GNL2: variants seen among roughly 807,000 people sequenced by gnomAD.
The protein encoded by GNL2 is G protein nucleolar 2.
A neutral mutation model predicts 92.3 loss-of-function variants in GNL2; 51 were observed. That is an observed-to-expected ratio of 0.55 (90% CI 0.44 to 0.70). The LOEUF is 0.70. Ranked by LOEUF, GNL2 falls within the 30% of genes least tolerant of loss-of-function variation. The pLI, the probability that GNL2 is intolerant of heterozygous loss-of-function variation, is 0.00. For synonymous variants in GNL2, 283 were observed against 300.6 expected (o/e 0.94, Z 0.61); for missense variants, 844 against 895.6 (o/e 0.94, Z 0.74).
chr1:37,576,311 A>G lies in GNL2; in HGVS notation c.1038+117T>C, dbSNP rs79206591. 1.1e-3 allele frequency: 1,003 copies of G among 898,594 alleles called. 4 individuals carry two copies. The African/African-American group carries it at 0.015, about 14-fold the overall frequency. The allele number at this position is 898,594 out of a possible 1,614,324, so 55.7% of individuals were successfully genotyped here. ...GTTCCAAACTATTATATGGTGAGCT[A>G]AACTCCTAGTGGTGGTCTGCATTCA... On this transcript the variant is annotated intron_variant, in intron 9 of 15. Coordinates refer to ENST00000373062, the MANE Select transcript of GNL2 (RefSeq NM_013285.3).
At chr1:37,581,143 C>A (rs1458653645) in intron 8 of GNL2, among the ~76,000 whole-genome samples, 1 of 151,956 alleles carries the variant, frequency 6.6e-6, no homozygotes, top group Non-Finnish European at 1.5e-5. Flanking sequence ...TAATAAGCAT[C>A]TTAAACTGGG....
At chr1:37,576,142 T>C (rs1557639431) in intron 9 of GNL2, 1 of 348,038 alleles carries the variant, frequency 2.9e-6, no homozygotes, top group Non-Finnish European at 5.2e-6. Context: ...CTTGGGTTAG[T>C]TTTGTTTATC....
chr1:37,579,940 T>C (rs1209095052), intron 8 of GNL2, among the ~76,000 whole-genome samples: 1 of 144,102 alleles, frequency 6.9e-6, no homozygotes, highest in South Asian at 2.2e-4. Flanking sequence ...AATCAAGAAT[T>C]AAACCAGGAG....
rs373771215 is a variant in GNL2 at position 37,579,624 on chromosome 1, G to A, written c.909+2599C>T. On this transcript the variant is annotated intron_variant, in intron 8 of 15. Transcript: ENST00000373062. ...AAAAGAAAAAATATATAGGCCAGGT[G>A]CAGTGGCTCATGCCTGTAATCCCAA... 2.0e-5 allele frequency among the ~76,000 whole-genome samples: 3 copies of A among 151,904 alleles called. No individual in the cohort carries two copies. In the South Asian group the frequency reaches 6.2e-4, roughly 31 times the overall value.
chr1:37,583,764 G>A, intron 6 of GNL2, 103 bp downstream of exon 6: 1 of 752,614 alleles, frequency 1.3e-6, no homozygotes, highest in Non-Finnish European at 2.4e-6. Flanking sequence ...AGTGGTGCCT[G>A]TACTCTGCGC....
At chr1:37,576,623 T>C in intron 8 of GNL2, 67 bp from the exon 9 acceptor site, 2 of 1,504,068 alleles carry the variant, frequency 1.3e-6, no homozygotes, top group South Asian at 1.2e-5. Flanking sequence ...AAGTAGGTTG[T>C]ATTACTTTGT....
chr1:37,572,322 C>A lies in GNL2; in HGVS notation c.1416+2021G>T, dbSNP rs1643606821. Among the ~76,000 whole-genome samples the A allele has an allele frequency of 2.0e-5, 3 of 152,138 alleles. No individual in the cohort carries two copies. The South Asian group carries it at 6.2e-4, about 31-fold the overall frequency. ...GGGTATCTTTTTTATTGATTACAAG[C>A]CCCTTTCCACCACACCTGAGTTTAT... On this transcript the variant is annotated intron_variant, in intron 12 of 15. Transcript: ENST00000373062.
intron 15 of GNL2, among the ~76,000 whole-genome samples, chr1:37,567,442 A>G (rs1370488074): frequency 2.6e-5 from 4 of 152,028 alleles, no homozygotes; most frequent in Non-Finnish European, 4.4e-5. Context: ...ACTCCTCTAG[A>G]GGATAGTCCA....
intron 5 of GNL2, 88 bp downstream of exon 5, chr1:37,587,223 C>T: frequency 3.0e-6 from 3 of 992,116 alleles, no homozygotes; most frequent in South Asian, 1.6e-5. Flanking sequence ...GCCAAGATCG[C>T]ACCACTGCAT....
At chr1:37,576,324 TG>T in intron 9 of GNL2, 103 bp downstream of exon 9, 1 of 982,942 alleles carries the variant, frequency 1.0e-6, no homozygotes, top group Non-Finnish European at 1.5e-6. Context: ...CTCCTAGTGG[TG>T]GTCTGCATTC....
At chr1:37,571,861 T>TA (rs1643599087) in intron 12 of GNL2, among the ~76,000 whole-genome samples, 1 of 152,152 alleles carries the variant, frequency 6.6e-6, no homozygotes, top group African/African-American at 2.4e-5. Flanking sequence ...ACAGCAGTGA[T>TA]ACGGACATCC....
chr1:37,567,095 C>A, intron 15 of GNL2, 88 bp from the exon 16 acceptor site: 2 of 1,367,510 alleles, frequency 1.5e-6, no homozygotes, highest in South Asian at 1.3e-5. Context: ...CTTCTCATCT[C>A]TGTGTTCTAT....
chr1:37,586,984 C>T (rs1437864745), intron 5 of GNL2, among the ~76,000 whole-genome samples: 3 of 152,108 alleles, frequency 2.0e-5, no homozygotes, highest in Non-Finnish European at 4.4e-5. Flanking sequence ...AACTGTACCT[C>T]GACCGGGTGC....
rs57386510 is a variant in GNL2 at position 37,595,289 on chromosome 1, G to C, written c.64+470C>G. On this transcript the variant is annotated intron_variant, in intron 1 of 15. Transcript: ENST00000373062. ...ACAGCCTTACTGCAATGATCATACT[G>C]ACTTCTTTGTAGGGTTCTCTAAGCA... is the stretch of plus-strand genomic sequence containing the variant. Among the ~76,000 whole-genome samples, 682 of 152,294 alleles carry C rather than the reference G, an allele frequency of 4.5e-3. 4 individuals are homozygous for C. Among genetic ancestry groups the C allele is most frequent in the African/African-American group, 0.016 (659 of 41,556 alleles).
rs1643904798 is a variant in GNL2, at chr1:37,593,834, C to A, written c.77G>T (p.Gly26Val). Residue 26 changes from glycine to valine, a missense_variant, in exon 2 of 16, where the codon GGA (glycine) becomes GTA (valine). Gly to Val is a moderately radical substitution (Grantham distance 109). Transcript: ENST00000373062. ...KASTNPDRVQ[G>V]AGGQNMRDRA... ...GTCCCTCATGTTTTGGCCTCCTGCT[C>A]CCTGCACTCGATCTACAAAAGGCAG... 2.5e-6 allele frequency: 4 copies of A among 1,613,570 alleles called. No homozygotes were observed. The highest frequency in any genetic ancestry group is 1.7e-6 in the Non-Finnish European group (2 of 1,179,578).
chr1:37,584,800 G>C (rs957909064), intron 5 of GNL2, among the ~76,000 whole-genome samples: 2 of 151,986 alleles, frequency 1.3e-5, no homozygotes, highest in Non-Finnish European at 2.9e-5. Context: ...ATGGTTAGAA[G>C]AGCTGGGCAC....
At chr1:37,592,917 T>C (rs914021715) in intron 2 of GNL2, 111 bp from the exon 3 acceptor site, 1 of 681,062 alleles carries the variant, frequency 1.5e-6, no homozygotes, top group East Asian at 2.6e-5. Context: ...TGGTTTTAAA[T>C]GATCATGAAA....
At position 37,569,253 on chromosome 1, in the gene GNL2, T is replaced by C. The variant is rs201887622; in HGVS notation, c.1466A>G (p.Asn489Ser). 9 of 1,613,364 alleles carry C rather than the reference T, an allele frequency of 5.6e-6. No homozygotes were observed. Among genetic ancestry groups the C allele is most frequent in the Admixed American group, 5.0e-5 (3 of 60,024 alleles). The change falls in exon 13 of 16, where the codon AAT becomes AGT. Residue 489 changes from asparagine to serine, a missense_variant. Transcript: ENST00000373062. ...LEVVPEAAQN[N>S]PGEEVTETAG... is the part of the protein sequence containing the mutation. ...AGTTTCTGTGACTTCCTCCCCTGGA[T>C]TGTTCTGGGCTGCTTCTGGGACAAC...
Position 37,587,354 on chromosome 1 carries a change from G to C in GNL2, c.526C>G (p.Gln176Glu). 1 of 1,612,486 alleles carries C rather than the reference G, an allele frequency of 6.2e-7. No individual in the cohort carries two copies. The highest frequency in any genetic ancestry group is 1.1e-5 in the South Asian group (1 of 90,932). ...GTTACCAAATCACGATCCTTGCCCT[G>C]GTCATAGCTCTCAGTGGACATTTCA... is the stretch of plus-strand genomic sequence containing the variant. ...NAEMSTESYD[Q>E]GKDRDLVTED... Residue 176 changes from glutamine to glutamate, a missense_variant, in exon 5 of 16, where the codon CAG becomes GAG. By Grantham distance (29) the Gln-to-Glu change is conservative (BLOSUM62 2). Transcript: ENST00000373062.
Sources: allele counts gnomAD v4.1 joint callset (sites outside exome capture counted in the v4.1 genomes callset), GRCh38; gene constraint gnomAD v4.1.1; transcripts MANE v1.5; gene names NCBI Gene and HGNC (gene_info 2026-07-23, HGNC 2026-07-21).